EBF2: variants seen among roughly 807,000 people sequenced by gnomAD.
EBF2 encodes transcription factor COE2.
In EBF2, 21 loss-of-function variants were observed where a neutral mutation model predicts 72.8. That is an observed-to-expected ratio of 0.29 (90% confidence interval 0.20 to 0.42). EBF2 has a LOEUF of 0.42. EBF2 is among the 10% of genes least tolerant of loss of function. The pLI is 1.00. For synonymous variants in EBF2, 299 were observed against 274.2 expected (o/e 1.09, Z -0.89); for missense variants, 637 against 731.2 (o/e 0.87, Z 1.49).
chr8:25,885,637 T>C (rs902583372), intron 10 of EBF2, among the ~76,000 whole-genome samples: 1 of 152,162 alleles, frequency 6.6e-6, no homozygotes, highest in African/African-American at 2.4e-5. Context: ...CAGTTTCTCC[T>C]ATACTGTTCT....
chr8:25,982,807 CAG>C (rs1368912892), intron 6 of EBF2, among the ~76,000 whole-genome samples: 1 of 152,016 alleles, frequency 6.6e-6, no homozygotes, highest in African/African-American at 2.4e-5. Context: ...TGTAATTAAA[CAG>C]AAACACAAAA....
chr8:26,042,327 A>C, intron 1 of EBF2, 76 bp from the exon 2 acceptor site: 2 of 1,511,870 alleles, frequency 1.3e-6, no homozygotes, highest in South Asian at 1.3e-5. Flanking sequence ...CGCCCACAAC[A>C]CTGCAGAGGG....
At chr8:25,943,626 C>T (rs1803716528) in intron 6 of EBF2, among the ~76,000 whole-genome samples, 1 of 152,174 alleles carries the variant, frequency 6.6e-6, no homozygotes, top group African/African-American at 2.4e-5. Flanking sequence ...GGTTCACCCT[C>T]AGAAAACATG....
At chr8:25,951,939 C>A (rs2117169710) in intron 6 of EBF2, among the ~76,000 whole-genome samples, 1 of 152,256 alleles carries the variant, frequency 6.6e-6, no homozygotes, top group South Asian at 2.1e-4. Context: ...CATTTTCAAT[C>A]ATATTAATCA....
At chr8:25,940,514 T>C (rs529902168) in intron 6 of EBF2, among the ~76,000 whole-genome samples, 58 of 152,148 alleles carry the variant, frequency 3.8e-4, no homozygotes, top group African/African-American at 1.3e-3. Context: ...CCCAGAGATA[T>C]GTAACATTAT....
chr8:25,868,148 T>C (rs1218801938), intron 10 of EBF2, among the ~76,000 whole-genome samples: 1 of 152,218 alleles, frequency 6.6e-6, no homozygotes, highest in Non-Finnish European at 1.5e-5. Flanking sequence ...TTTATAATTT[T>C]GACTTCCTTT....
chr8:25,997,712 C>T (rs1804657315), intron 6 of EBF2, among the ~76,000 whole-genome samples: 1 of 152,078 alleles, frequency 6.6e-6, no homozygotes, highest in Non-Finnish European at 1.5e-5. Flanking sequence ...AGTTTCAGTG[C>T]TATCTTGAGA....
At chr8:25,902,399 A>G (rs1802969302) in intron 7 of EBF2, among the ~76,000 whole-genome samples, 1 of 152,150 alleles carries the variant, frequency 6.6e-6, no homozygotes, top group Non-Finnish European at 1.5e-5. Context: ...GATTTTCCGC[A>G]TGCATGACCC....
intron 6 of EBF2, among the ~76,000 whole-genome samples, chr8:26,015,631 TA>T (rs1259382420): frequency 2.6e-5 from 4 of 152,246 alleles, no homozygotes; most frequent in Non-Finnish European, 5.9e-5. Flanking sequence ...GCAAATGGTA[TA>T]AATGATATTT....
chr8:25,978,172 A>C (rs887454827), intron 6 of EBF2, among the ~76,000 whole-genome samples: 1 of 152,114 alleles, frequency 6.6e-6, no homozygotes, highest in Non-Finnish European at 1.5e-5. Context: ...TGCTCCGTCT[A>C]CCCCAAAAGG....
At chr8:25,919,350 G>C (rs1056620475) in intron 6 of EBF2, among the ~76,000 whole-genome samples, 2 of 152,148 alleles carry the variant, frequency 1.3e-5, no homozygotes, top group Non-Finnish European at 2.9e-5. Context: ...GGAAATGCAT[G>C]TTCTGGCAAG....
intron 6 of EBF2, among the ~76,000 whole-genome samples, chr8:25,942,573 T>C (rs1010390555): frequency 1.1e-4 from 17 of 152,354 alleles, no homozygotes; most frequent in African/African-American, 4.1e-4. Context: ...GGGCAGAGTC[T>C]AACCCCAGCC....
intron 6 of EBF2, among the ~76,000 whole-genome samples, chr8:25,967,425 C>G (rs774335878): frequency 1.1e-4 from 16 of 152,298 alleles, no homozygotes; most frequent in Non-Finnish European, 2.4e-4. Context: ...TAGTGAGCAT[C>G]ATAGCTTATT....
At chr8:26,000,153 A>T (rs986570136) in intron 6 of EBF2, among the ~76,000 whole-genome samples, 6 of 152,152 alleles carry the variant, frequency 3.9e-5, no homozygotes, top group African/African-American at 1.4e-4. Context: ...CCTTACTCCC[A>T]AATCCTCCTC....
chr8:25,862,323 A>T (rs1338650046), intron 11 of EBF2, among the ~76,000 whole-genome samples: 1 of 152,200 alleles, frequency 6.6e-6, no homozygotes, highest in Non-Finnish European at 1.5e-5. Context: ...CGTACATAGT[A>T]GGCCCTCAAT....
intron 5 of EBF2, 48 bp downstream of exon 5, chr8:26,039,980 G>C (rs1202773139): frequency 5.6e-6 from 9 of 1,596,162 alleles, no homozygotes; most frequent in Non-Finnish European, 7.7e-6. Flanking sequence ...GGCGGGGCTG[G>C]AGCACCTGCG....
chr8:25,931,942 T>C (rs115395845), intron 6 of EBF2, among the ~76,000 whole-genome samples: 2,489 of 152,296 alleles, frequency 0.016, 71 homozygotes, highest in African/African-American at 0.057. Flanking sequence ...TGCACTATTG[T>C]TATTACTGCA....
At chr8:25,876,141 G>A (rs1347227749) in intron 10 of EBF2, among the ~76,000 whole-genome samples, 2 of 152,158 alleles carry the variant, frequency 1.3e-5, no homozygotes, top group African/African-American at 4.8e-5. Context: ...AAGCCATTAT[G>A]CTCAGCGAAC....
intron 6 of EBF2, among the ~76,000 whole-genome samples, chr8:25,946,018 C>G (rs1468586988): frequency 1.3e-5 from 2 of 152,188 alleles, no homozygotes; most frequent in Admixed American, 6.5e-5. Flanking sequence ...GTCGGAGCAA[C>G]AGGAAGTTAT....
Sources: allele counts gnomAD v4.1 joint callset (sites outside exome capture counted in the v4.1 genomes callset), GRCh38; gene constraint gnomAD v4.1.1; transcripts MANE v1.5; gene names NCBI Gene and HGNC (gene_info 2026-07-23, HGNC 2026-07-21).